The following PPA2 variants were observed in gnomAD, a reference collection of about 807,000 sequenced individuals.
The protein encoded by PPA2 is inorganic pyrophosphatase 2, also known as inorganic pyrophosphatase 2, mitochondrial.
PPA2 carries 48 observed loss-of-function variants against 49.5 expected under a neutral mutation model. The observed-to-expected ratio is 0.97, with a 90% CI of 0.77 to 1.23. The LOEUF (loss-of-function observed/expected upper bound fraction) is 1.23. PPA2 is among the 50% of genes most tolerant of loss of function. The pLI is 0.00. For missense variants in PPA2, 429 were observed against 410.1 expected (o/e 1.05, Z -0.40); for synonymous variants, 131 against 139.9 (o/e 0.94, Z 0.45).
Position 105,456,706 on chromosome 4 carries a change from A to G in PPA2, c.197T>C (p.Ile66Thr), listed in dbSNP as rs1722888330. The G allele has an allele frequency of 6.2e-7, 1 of 1,605,926 alleles. No individual in the cohort carries two copies. Among genetic ancestry groups the G allele is most frequent in the Non-Finnish European group, 8.5e-7 (1 of 1,174,946 alleles). The change falls in exon 2 of 12, where the codon ATT (isoleucine) becomes ACT (threonine). Residue 66 changes from isoleucine (I) to threonine (T), a missense_variant. Physicochemically the swap from Ile to Thr is moderately conservative, Grantham distance 89 (BLOSUM62 -1). Transcript: ENST00000341695. ...TGHYISPFHD[I>T]PLKVNSKEEN... ...CTCTTTAGAGTTCACCTTCAGAGGA[A>G]TATCATGAAAGGGGGAAATGTAGTG...
chr4:105,415,198 T>C (rs1722951099), intron 7 of PPA2, among the ~76,000 whole-genome samples: 1 of 152,184 alleles, frequency 6.6e-6, no homozygotes, highest in South Asian at 2.1e-4. Context: ...AGGCCATCCC[T>C]GGCTTTAAGG....
chr4:105,458,267 T>G (rs1037379171), intron 1 of PPA2, among the ~76,000 whole-genome samples: 3 of 151,974 alleles, frequency 2.0e-5, no homozygotes, highest in Non-Finnish European at 4.4e-5. Flanking sequence ...AACAGAAAAA[T>G]GACATTAGTG....
intron 3 of PPA2, among the ~76,000 whole-genome samples, chr4:105,450,220 T>C (rs1722607180): frequency 6.6e-6 from 1 of 152,164 alleles, no homozygotes; most frequent in Non-Finnish European, 1.5e-5. Context: ...CAACGATGGT[T>C]TAAAACACTG....
In PPA2 at chr4:105,387,497, G is replaced by A. The variant is rs532348698; in HGVS notation, c.870-861C>T. ...TATCAAATTTATTTTCACAATAGCT[G>A]TGTGAAATATGCCGAGATATCGGTG... On this transcript the variant is annotated intron_variant, in intron 9 of 11. Transcript: ENST00000341695. Among the ~76,000 whole-genome samples the A allele has an allele frequency of 8.5e-5, 13 of 152,292 alleles. No individual in the cohort carries two copies. The South Asian group carries it at 1.7e-3, about 19-fold the overall frequency.
intron 7 of PPA2, among the ~76,000 whole-genome samples, chr4:105,402,632 C>T (rs549289650): frequency 4.4e-4 from 67 of 152,270 alleles, no homozygotes; most frequent in African/African-American, 1.3e-3. Flanking sequence ...TCACAGAGGA[C>T]TCTAAGGGCC....
intron 10 of PPA2, among the ~76,000 whole-genome samples, chr4:105,371,214 C>T (rs1733013895): frequency 6.6e-6 from 1 of 152,142 alleles, no homozygotes; most frequent in African/African-American, 2.4e-5. Flanking sequence ...CACACACACA[C>T]ATATTTAAAT....
At chr4:105,422,223 C>T (rs1723283982) in intron 7 of PPA2, among the ~76,000 whole-genome samples, 2 of 152,082 alleles carry the variant, frequency 1.3e-5, no homozygotes, top group Admixed American at 1.3e-4. Context: ...TTGTATTTTT[C>T]ATGATGAAAA....
intron 7 of PPA2, among the ~76,000 whole-genome samples, chr4:105,403,163 A>G (rs900096660): frequency 5.9e-5 from 9 of 152,034 alleles, no homozygotes; most frequent in African/African-American, 2.2e-4. Context: ...AGCTAGGACT[A>G]CAAGTGTGCA....
chr4:105,419,686 T>C (rs760936490), intron 7 of PPA2, among the ~76,000 whole-genome samples: 4 of 152,312 alleles, frequency 2.6e-5, no homozygotes, highest in Admixed American at 6.5e-5. Flanking sequence ...CAGGGATATA[T>C]AGTCTACCAA....
At chr4:105,390,236 C>T (rs183717983) in intron 9 of PPA2, among the ~76,000 whole-genome samples, 14 of 152,266 alleles carry the variant, frequency 9.2e-5, no homozygotes, top group Non-Finnish European at 1.6e-4. Context: ...CAATACCATT[C>T]AGGACATAGG....
chr4:105,463,571 T>C (rs1723180227), intron 1 of PPA2, among the ~76,000 whole-genome samples: 2 of 152,224 alleles, frequency 1.3e-5, no homozygotes, highest in African/African-American at 4.8e-5. Flanking sequence ...TGAAAATGTC[T>C]CTAGCGCATG....
chr4:105,374,431 C>T (rs948400065), intron 10 of PPA2, among the ~76,000 whole-genome samples: 4 of 152,178 alleles, frequency 2.6e-5, no homozygotes, highest in Admixed American at 6.5e-5. Flanking sequence ...GCTATCTACT[C>T]CTCTTCCTCA....
At chr4:105,472,605 C>T (rs1375946922) in intron 1 of PPA2, among the ~76,000 whole-genome samples, 1 of 152,166 alleles carries the variant, frequency 6.6e-6, no homozygotes, top group Non-Finnish European at 1.5e-5. Flanking sequence ...AAATTTGAGA[C>T]TTCCTGTTCA....
Position 105,424,300 on chromosome 4 carries a change from A to G in PPA2, c.551T>C (p.Ile184Thr). Residue 184 changes from isoleucine to threonine, a missense_variant, in exon 7 of 12, where the codon ATT (isoleucine) becomes ACT (threonine). Transcript: ENST00000341695. ...GSKILSCGEV[I>T]HVKILGILAL... ...CAAAATTCCAAGGATCTTCACATGAATAACTTCTCCACAAGAAAGAATCTT... is the reference window on the plus strand; with the variant it reads ...CAAAATTCCAAGGATCTTCACATGAGTAACTTCTCCACAAGAAAGAATCTT... The G allele has an allele frequency of 1.3e-6, 2 of 1,599,954 alleles. No individual in the cohort carries two copies. The highest frequency in any genetic ancestry group is 8.5e-7 in the Non-Finnish European group (1 of 1,176,538).
At chr4:105,461,353 T>G (rs1036766909) in intron 1 of PPA2, among the ~76,000 whole-genome samples, 1 of 152,086 alleles carries the variant, frequency 6.6e-6, no homozygotes, top group African/African-American at 2.4e-5. Context: ...GTGGAAAACA[T>G]GAAAACCCTC....
chr4:105,448,990 G>A (rs982035783), intron 4 of PPA2, among the ~76,000 whole-genome samples: 2 of 125,862 alleles, frequency 1.6e-5, no homozygotes, highest in Admixed American at 7.3e-5. Flanking sequence ...AGGCCGAGGC[G>A]GGCGGATCAC....
intron 3 of PPA2, 74 bp from the exon 4 acceptor site, chr4:105,449,477 A>G: frequency 1.1e-6 from 1 of 872,190 alleles, no homozygotes; most frequent in Non-Finnish European, 1.8e-6. Context: ...CTCCCTTATA[A>G]GAATACCTTA....
intron 5 of PPA2, among the ~76,000 whole-genome samples, chr4:105,443,560 A>G (rs749331074): frequency 6.6e-6 from 1 of 151,700 alleles, no homozygotes; most frequent in East Asian, 1.9e-4. Context: ...TCTTTGATAA[A>G]TAACTAACTT....
chr4:105,473,534 C>T (rs80301964), intron 1 of PPA2: 5 of 505,514 alleles, frequency 9.9e-6, no homozygotes, highest in Middle Eastern at 3.2e-4. Flanking sequence ...GTTGTGTGAA[C>T]CGGGAACGGC....
Sources: gnomAD v4.1 joint callset for allele counts (sites outside exome capture counted in the v4.1 genomes callset) on GRCh38, gnomAD v4.1.1 for gene constraint, MANE v1.5 for transcripts, NCBI Gene and HGNC (gene_info 2026-07-23, HGNC 2026-07-21) for gene names.